PCDH11X: variants seen among roughly 807,000 people sequenced by gnomAD.
PCDH11X encodes protocadherin 11 X-linked, also known as protocadherin-11 X-linked.
PCDH11X carries 18 observed loss-of-function variants against 53.3 expected under a neutral mutation model. That is an observed-to-expected ratio of 0.34 (90% confidence interval 0.23 to 0.50). PCDH11X has a LOEUF of 0.50. Ranked by LOEUF, PCDH11X falls within the 20% of genes least tolerant of loss-of-function variation. The pLI, the probability that PCDH11X is intolerant of heterozygous loss-of-function variation, is 0.98. For missense variants in PCDH11X, 570 were observed against 1,032.4 expected (o/e 0.55, Z 6.14); for synonymous variants, 279 against 393.3 (o/e 0.71, Z 3.44).
At chrX:92,323,798 T>G (rs1227325747) in intron 8 of PCDH11X, among the ~76,000 whole-genome samples, 1 of 110,998 alleles carries the variant, frequency 9.0e-6, no homozygotes, top group Non-Finnish European at 1.9e-5. Flanking sequence ...TTTTTAACAG[T>G]GTCGAATCCA....
intron 10 of PCDH11X, among the ~76,000 whole-genome samples, chrX:92,556,507 ATCTT>A (rs774226438): frequency 2.0e-4 from 22 of 111,584 alleles, no homozygotes; most frequent in Non-Finnish European, 3.8e-4. Context: ...AAGTCAATAA[ATCTT>A]AACACTCCAA....
chrX:91,836,944 C>G (rs1937324635), intron 5 of PCDH11X, among the ~76,000 whole-genome samples: 1 of 109,370 alleles, frequency 9.1e-6, no homozygotes, highest in Non-Finnish European at 1.9e-5. Flanking sequence ...GTACAATGCA[C>G]TTGAATGATC....
At chrX:92,408,091 G>A (rs1316377280) in intron 9 of PCDH11X, among the ~76,000 whole-genome samples, 1 of 110,476 alleles carries the variant, frequency 9.1e-6, no homozygotes, top group Non-Finnish European at 1.9e-5. Flanking sequence ...TACCATGTTG[G>A]CCAAGCTGGT....
At chrX:92,111,545 G>T (rs764841162) in intron 6 of PCDH11X, among the ~76,000 whole-genome samples, 20 of 109,231 alleles carry the variant, frequency 1.8e-4, no homozygotes, top group African/African-American at 6.3e-4. Flanking sequence ...AAAATGTATA[G>T]GAAATTTTAA....
intron 6 of PCDH11X, among the ~76,000 whole-genome samples, chrX:92,123,774 A>G (rs1242975488): frequency 8.4e-5 from 9 of 106,569 alleles, no homozygotes; most frequent in Non-Finnish European, 1.5e-4. Context: ...CATCAATCAC[A>G]TTCTTCTCAG....
Position 92,307,626 on chromosome X carries a change from T to C in PCDH11X, c.3144+44483T>C, listed in dbSNP as rs187101478. 1.5e-3 allele frequency among the ~76,000 whole-genome samples: 165 copies of C among 110,268 alleles called. 1 individual carries two copies. The highest frequency in any genetic ancestry group is 5.1e-3 in the African/African-American group (155 of 30,371). On this transcript the variant is annotated intron_variant, in intron 8 of 10. Transcript: ENST00000682573. ...ACATTAAGTTGTCTTATATGCATTA[T>C]GGCCTGATTTTGTAAATACAAAACC...
rs745819022 is a variant in PCDH11X at position 92,488,098 on chromosome X, G to T, written c.3367+19776G>T. Among the ~76,000 whole-genome samples the T allele has an allele frequency of 7.2e-5, 8 of 110,540 alleles. No homozygotes were observed. The East Asian group carries it at 2.3e-3, about 32-fold the overall frequency. On this transcript the variant is annotated intron_variant, in intron 10 of 10. Transcript: ENST00000682573. ...CTATAGGCATATGCCACCACTCCTGGACTTGGATAATGTTTTATTAGAATC... is the reference window on the plus strand; with the variant it reads ...CTATAGGCATATGCCACCACTCCTGTACTTGGATAATGTTTTATTAGAATC...
intron 6 of PCDH11X, among the ~76,000 whole-genome samples, chrX:92,150,743 A>C (rs2065417938): frequency 9.0e-6 from 1 of 111,159 alleles, no homozygotes; most frequent in African/African-American, 3.3e-5. Context: ...TTTTTCATGT[A>C]GAAATCTTAA....
intron 7 of PCDH11X, among the ~76,000 whole-genome samples, chrX:92,240,440 A>T (rs186667832): frequency 7.2e-5 from 8 of 111,146 alleles, no homozygotes; most frequent in African/African-American, 2.6e-4. Context: ...TGATTAGGAG[A>T]CCCCGCCAAG....
At chrX:91,889,458 A>T (rs913468733) in intron 6 of PCDH11X, among the ~76,000 whole-genome samples, 34 of 111,111 alleles carry the variant, frequency 3.1e-4, no homozygotes, top group Non-Finnish European at 5.1e-4. Context: ...GACTATAGTC[A>T]TGTGCCACCA....
chrX:92,206,958 T>C (rs1452604254), intron 7 of PCDH11X, among the ~76,000 whole-genome samples: 1 of 111,896 alleles, frequency 8.9e-6, no homozygotes, highest in Non-Finnish European at 1.9e-5. Flanking sequence ...TCAATTTTCT[T>C]TGAGTAAAGA....
intron 9 of PCDH11X, among the ~76,000 whole-genome samples, chrX:92,453,506 A>G (rs2148649786): frequency 9.0e-6 from 1 of 111,101 alleles, no homozygotes; most frequent in East Asian, 2.8e-4. Flanking sequence ...TCAAATTTTG[A>G]CACAAGAAAT....
chrX:92,272,307 T>A (rs2067977370), intron 8 of PCDH11X, among the ~76,000 whole-genome samples: 1 of 111,907 alleles, frequency 8.9e-6, no homozygotes, highest in Non-Finnish European at 1.9e-5. Flanking sequence ...TTTGGCATGT[T>A]TTCTTGTGTT....
At chrX:92,067,644 CT>C (rs1377608978) in intron 6 of PCDH11X, among the ~76,000 whole-genome samples, 2 of 110,754 alleles carry the variant, frequency 1.8e-5, no homozygotes, top group Admixed American at 1.9e-4. Context: ...TGTCTGGCAT[CT>C]TCTTTTGGTA....
intron 7 of PCDH11X, among the ~76,000 whole-genome samples, chrX:92,251,533 C>G (rs753833768): frequency 1.8e-5 from 2 of 110,984 alleles, no homozygotes; most frequent in Non-Finnish European, 3.8e-5. Context: ...TCAGCTCTGT[C>G]CCTTGTAAGT....
chrX:92,064,760 G>A (rs1031196287), intron 6 of PCDH11X, among the ~76,000 whole-genome samples: 27 of 109,264 alleles, frequency 2.5e-4, no homozygotes, highest in Admixed American at 2.3e-3. Context: ...CCCCGGGGGA[G>A]GCAGTTTAAT....
intron 6 of PCDH11X, among the ~76,000 whole-genome samples, chrX:92,041,353 C>A (rs751997142): frequency 1.6e-3 from 183 of 111,339 alleles, no homozygotes; most frequent in Non-Finnish European, 2.9e-3. Context: ...CTATACTGTT[C>A]TGTATTGTAT....
intron 8 of PCDH11X, among the ~76,000 whole-genome samples, chrX:92,385,166 G>C (rs2754876): frequency 0.38 from 24,626 of 64,165 alleles, 5,884 homozygotes; most frequent in East Asian, 0.94. Flanking sequence ...TTGAAGAATA[G>C]AGTATTGATG....
intron 6 of PCDH11X, among the ~76,000 whole-genome samples, chrX:91,918,865 CTT>C (rs1178800794): frequency 9.0e-6 from 1 of 110,881 alleles, no homozygotes; most frequent in Non-Finnish European, 1.9e-5. Flanking sequence ...CTCTCTCTCT[CTT>C]TTCAAATATG....
Sources: gnomAD v4.1 joint callset for allele counts (sites outside exome capture counted in the v4.1 genomes callset) on GRCh38, gnomAD v4.1.1 for gene constraint, MANE v1.5 for transcripts, NCBI Gene and HGNC (gene_info 2026-07-23, HGNC 2026-07-21) for gene names.